TRIO: variants seen among roughly 807,000 people sequenced by gnomAD.
The protein encoded by TRIO is triple functional domain protein.
A neutral mutation model predicts 351.9 loss-of-function variants in TRIO; 58 were observed. The observed-to-expected ratio is 0.16, with a 90% CI of 0.13 to 0.21. The LOEUF (loss-of-function observed/expected upper bound fraction) is 0.21, where lower values mean the gene tolerates loss of function less well. TRIO is among the 10% of genes least tolerant of loss of function. TRIO has a pLI of 1.00. For synonymous variants in TRIO, 1,758 were observed against 1,595.7 expected, an observed-to-expected ratio of 1.10 and a Z score of -2.42; for missense variants, 3,201 against 4,027.8, an observed-to-expected ratio of 0.79 and a Z score of 5.56.
In TRIO at chr5:14,316,757, CA is replaced by C; in HGVS notation, c.1731+15del. The C allele has an allele frequency of 6.2e-7, 1 of 1,607,210 alleles. No individual in the cohort carries two copies. Among genetic ancestry groups the C allele is most frequent in the South Asian group, 1.1e-5 (1 of 90,170 alleles). On this transcript the variant is annotated intron_variant, in intron 9 of 56. Coordinates refer to ENST00000344204, the MANE Select transcript of TRIO (RefSeq NM_007118.4). The stretch of plus-strand genomic sequence containing the variant: ...GACGTTCAGCAGGTCAGTTTCGCCT[CA>C]TGCCCTTCTGCATGGGAAATGGCTT...
chr5:14,496,874 C>A lies in TRIO; in HGVS notation c.7881-5C>A. 6.2e-7 allele frequency: 1 copy of A among 1,613,790 alleles called. No individual in the cohort carries two copies. The highest frequency in any genetic ancestry group is 1.1e-5 in the South Asian group (1 of 91,044). ...TAATACCCACAGTGTGTTCATTTCCCCTAGGAAGTCAACATCTTGGCACAC... is the reference window on the plus strand; with the variant it reads ...TAATACCCACAGTGTGTTCATTTCCACTAGGAAGTCAACATCTTGGCACAC... On this transcript the variant is annotated splice_region_variant and splice_polypyrimidine_tract_variant and intron_variant, in intron 49 of 56. Transcript: ENST00000344204.
chr5:14,253,696 A>G (rs1298447197), intron 1 of TRIO, among the ~76,000 whole-genome samples: 2 of 152,226 alleles, frequency 1.3e-5, no homozygotes, highest in South Asian at 2.1e-4. Flanking sequence ...TAAAGCGGCA[A>G]TTCTCAAAGT....
chr5:14,268,931 T>C (rs1795840787), intron 1 of TRIO, among the ~76,000 whole-genome samples: 1 of 152,198 alleles, frequency 6.6e-6, no homozygotes, highest in Admixed American at 6.5e-5. Flanking sequence ...GCTGACTAGA[T>C]TGCATCCATT....
At chr5:14,173,124 T>C (rs1789195661) in intron 1 of TRIO, among the ~76,000 whole-genome samples, 1 of 151,906 alleles carries the variant, frequency 6.6e-6, no homozygotes. Flanking sequence ...GTCAGACCTC[T>C]TCCTCTAGGA....
intron 9 of TRIO, among the ~76,000 whole-genome samples, chr5:14,329,764 C>T (rs148574246): frequency 1.3e-5 from 2 of 152,268 alleles, no homozygotes; most frequent in African/African-American, 2.4e-5. Context: ...TGCTGGTTAT[C>T]TCCTATCCAT....
intron 36 of TRIO, among the ~76,000 whole-genome samples, chr5:14,464,439 A>G (rs1052527456): frequency 6.6e-6 from 1 of 152,092 alleles, no homozygotes; most frequent in African/African-American, 2.4e-5. Flanking sequence ...ATTTTCCCAC[A>G]CAGTATATAA....
At chr5:14,304,770 A>T (rs1738215608) in intron 8 of TRIO, among the ~76,000 whole-genome samples, 178 bp downstream of exon 8, 1 of 152,162 alleles carries the variant, frequency 6.6e-6, no homozygotes, top group Non-Finnish European at 1.5e-5. Flanking sequence ...GGGGTGGGGC[A>T]GTAGGGGAAG....
chr5:14,298,832 G>A (rs1443411488), intron 7 of TRIO, among the ~76,000 whole-genome samples: 1 of 152,172 alleles, frequency 6.6e-6, no homozygotes, highest in African/African-American at 2.4e-5. Context: ...ATAGACAAAA[G>A]CCCACACACA....
intron 1 of TRIO, among the ~76,000 whole-genome samples, chr5:14,177,076 G>T (rs540399543): frequency 9.9e-5 from 15 of 152,160 alleles, no homozygotes; most frequent in Admixed American, 5.9e-4. Context: ...TGGGTTCCAT[G>T]GACTCTGCCC....
intron 34 of TRIO, among the ~76,000 whole-genome samples, chr5:14,445,778 G>A (rs1473717115): frequency 6.6e-6 from 1 of 152,168 alleles, no homozygotes; most frequent in Non-Finnish European, 1.5e-5. Flanking sequence ...GTGGCCCAAG[G>A]GCACAGAAGC....
At chr5:14,333,240 G>A (rs1741072813) in intron 10 of TRIO, among the ~76,000 whole-genome samples, 1 of 152,184 alleles carries the variant, frequency 6.6e-6, no homozygotes. Flanking sequence ...AGTTGTCTGT[G>A]TTTTGCTGTG....
chr5:14,241,477 A>G (rs1025801492), intron 1 of TRIO, among the ~76,000 whole-genome samples: 17 of 152,220 alleles, frequency 1.1e-4, no homozygotes, highest in Non-Finnish European at 1.8e-4. Flanking sequence ...TGGTCTGAGA[A>G]GGGAGTAATA....
At chr5:14,187,646 A>G (rs1444890453) in intron 1 of TRIO, among the ~76,000 whole-genome samples, 1 of 152,216 alleles carries the variant, frequency 6.6e-6, no homozygotes, top group African/African-American at 2.4e-5. Context: ...ATTTCTAACA[A>G]GATTTGACAT....
chr5:14,234,528 T>G (rs1469928705), intron 1 of TRIO, among the ~76,000 whole-genome samples: 1 of 152,230 alleles, frequency 6.6e-6, no homozygotes, highest in Non-Finnish European at 1.5e-5. Flanking sequence ...AGGGAAGGTT[T>G]ACACCACAAT....
chr5:14,411,113 G>GCC (rs1749163905), intron 33 of TRIO, among the ~76,000 whole-genome samples: 1 of 152,116 alleles, frequency 6.6e-6, no homozygotes, highest in Admixed American at 6.5e-5. Flanking sequence ...GGAGATCCAG[G>GCC]CCCTCTGCAA....
chr5:14,326,710 C>T (rs77377165), intron 9 of TRIO, among the ~76,000 whole-genome samples: 1 of 152,314 alleles, frequency 6.6e-6, no homozygotes, highest in East Asian at 1.9e-4. Flanking sequence ...GGCGGAGGTG[C>T]AGCTGGCTGG....
intron 4 of TRIO, 176 bp downstream of exon 4, chr5:14,287,239 A>G: frequency 1.5e-6 from 1 of 658,042 alleles, no homozygotes; most frequent in Non-Finnish European, 2.5e-6. Context: ...TGCGTTCATC[A>G]TCCGAGTGGA....
chr5:14,167,904 A>G (rs921784414), intron 1 of TRIO, among the ~76,000 whole-genome samples: 2 of 152,154 alleles, frequency 1.3e-5, no homozygotes, highest in Non-Finnish European at 2.9e-5. Flanking sequence ...ATTGACTTAA[A>G]TCTCTTTTTT....
At chr5:14,450,602 T>A (rs1263859121) in intron 34 of TRIO, among the ~76,000 whole-genome samples, 1 of 152,250 alleles carries the variant, frequency 6.6e-6, no homozygotes, top group Admixed American at 6.5e-5. Context: ...TCAATTCATA[T>A]TTGAAAGCAA....
Sources: gnomAD v4.1 joint callset for allele counts (sites outside exome capture counted in the v4.1 genomes callset) on GRCh38, gnomAD v4.1.1 for gene constraint, MANE v1.5 for transcripts, NCBI Gene and HGNC (gene_info 2026-07-23, HGNC 2026-07-21) for gene names.